MAGI2: variants seen among roughly 807,000 people sequenced by gnomAD.
MAGI2 encodes membrane associated guanylate kinase, WW and PDZ domain containing 2.
MAGI2 carries 35 observed loss-of-function variants against 133.3 expected under a neutral mutation model. The observed-to-expected ratio is 0.26, with a 90% CI of 0.20 to 0.35. MAGI2 has a LOEUF of 0.35. MAGI2 is among the 10% of genes least tolerant of loss of function. The pLI, the probability that MAGI2 is intolerant of heterozygous loss-of-function variation, is 1.00. For missense variants in MAGI2, 1,636 were observed against 1,863.4 expected, an observed-to-expected ratio of 0.88 and a Z score of 2.25; for synonymous variants, 729 against 710.6, an observed-to-expected ratio of 1.03 and a Z score of -0.41.
intron 2 of MAGI2, among the ~76,000 whole-genome samples, chr7:78,751,021 C>T (rs1160698123): frequency 6.6e-6 from 1 of 152,022 alleles, no homozygotes; most frequent in African/African-American, 2.4e-5. Context: ...AGAACACAGA[C>T]AAATCTAACC....
intron 2 of MAGI2, among the ~76,000 whole-genome samples, chr7:78,833,532 T>C (rs1044417884): frequency 1.3e-5 from 2 of 152,150 alleles, no homozygotes; most frequent in Non-Finnish European, 2.9e-5. Context: ...GGCCGGATCC[T>C]GCAACAGTAA....
chr7:78,330,088 T>A (rs798317), intron 9 of MAGI2, among the ~76,000 whole-genome samples: 73,937 of 152,016 alleles, frequency 0.49, 18,406 homozygotes, highest in Non-Finnish European at 0.53. Flanking sequence ...AGCTTTAATT[T>A]ATTGGGAGAT....
At chr7:78,608,011 A>G (rs576951447) in intron 3 of MAGI2, among the ~76,000 whole-genome samples, 50 of 152,314 alleles carry the variant, frequency 3.3e-4, no homozygotes, top group African/African-American at 1.2e-3. Context: ...AATATGGATC[A>G]TGAAACACAC....
chr7:78,521,347 A>G, intron 4 of MAGI2, 83 bp downstream of exon 4: 5 of 936,986 alleles, frequency 5.3e-6, no homozygotes, highest in Non-Finnish European at 8.6e-6. Context: ...CTGTATATAT[A>G]TCTTACTGTG....
At chr7:79,231,507 A>G (rs915580418) in intron 1 of MAGI2, among the ~76,000 whole-genome samples, 1 of 79,978 alleles carries the variant, frequency 1.3e-5, no homozygotes, top group African/African-American at 3.6e-5. Context: ...GAGGTCCTTC[A>G]CATCCCTTGT....
At chr7:78,617,560 T>C (rs1198964955) in intron 3 of MAGI2, 1 of 152,080 alleles carries the variant, frequency 6.6e-6, no homozygotes, top group Non-Finnish European at 1.5e-5. Context: ...TTCCAAGCCT[T>C]CAATAAGGAG....
chr7:79,345,976 T>C (rs1328577739), intron 1 of MAGI2, among the ~76,000 whole-genome samples: 2 of 152,102 alleles, frequency 1.3e-5, no homozygotes, highest in Non-Finnish European at 2.9e-5. Context: ...ACTTCCATTG[T>C]TAAGAATGCT....
intron 1 of MAGI2, among the ~76,000 whole-genome samples, chr7:79,135,506 A>G (rs552757580): frequency 6.6e-6 from 1 of 152,288 alleles, no homozygotes; most frequent in African/African-American, 2.4e-5. Context: ...AGGGCAATTT[A>G]TGGGATAGAG....
intron 3 of MAGI2, among the ~76,000 whole-genome samples, chr7:78,542,935 G>A (rs964345178): frequency 4.6e-5 from 7 of 152,192 alleles, no homozygotes; most frequent in African/African-American, 1.4e-4. Context: ...GATTAGAAGT[G>A]TGCATGTGTG....
chr7:78,027,499 A>G (rs1809051814), intron 21 of MAGI2, among the ~76,000 whole-genome samples: 1 of 152,024 alleles, frequency 6.6e-6, no homozygotes, highest in Non-Finnish European at 1.5e-5. Context: ...GTGGTGGCAC[A>G]TGCCTGTAAT....
intron 3 of MAGI2, among the ~76,000 whole-genome samples, chr7:78,585,075 T>C (rs2150823397): frequency 6.6e-6 from 1 of 152,256 alleles, no homozygotes; most frequent in African/African-American, 2.4e-5. Context: ...TAAAAGGGGT[T>C]CCAGAAAACA....
chr7:78,605,766 A>C (rs1376728811), intron 3 of MAGI2, among the ~76,000 whole-genome samples: 1 of 152,106 alleles, frequency 6.6e-6, no homozygotes, highest in African/African-American at 2.4e-5. Context: ...AAGTTCAAGG[A>C]ATCTGTTTTT....
chr7:78,350,742 G>A (rs1323060671), intron 7 of MAGI2, among the ~76,000 whole-genome samples: 3 of 152,148 alleles, frequency 2.0e-5, no homozygotes, highest in South Asian at 4.1e-4. Flanking sequence ...ATTGTGGAGA[G>A]GAAAGGGAGG....
chr7:78,929,868 C>G (rs1464823497), intron 2 of MAGI2, among the ~76,000 whole-genome samples: 1 of 152,046 alleles, frequency 6.6e-6, no homozygotes, highest in African/African-American at 2.4e-5. Flanking sequence ...GGCTAAGAAG[C>G]AAAATAGACC....
chr7:78,867,422 C>T (rs182933275), intron 2 of MAGI2, among the ~76,000 whole-genome samples: 4,742 of 151,056 alleles, frequency 0.031, 109 homozygotes, highest in Non-Finnish European at 0.049. Context: ...TCATCATTCT[C>T]AGTAAACTAT....
At chr7:78,811,853 C>T (rs1789092572) in intron 2 of MAGI2, among the ~76,000 whole-genome samples, 1 of 152,176 alleles carries the variant, frequency 6.6e-6, no homozygotes, top group Admixed American at 6.5e-5. Flanking sequence ...TATTGCCTCA[C>T]ATGGCAAAAG....
intron 2 of MAGI2, among the ~76,000 whole-genome samples, chr7:78,687,383 T>C (rs1032884714): frequency 6.6e-5 from 10 of 152,310 alleles, no homozygotes; most frequent in Admixed American, 5.2e-4. Flanking sequence ...AATACATGTG[T>C]GAAATGTTGT....
intron 2 of MAGI2, among the ~76,000 whole-genome samples, chr7:78,894,535 T>G (rs1797051444): frequency 6.6e-6 from 1 of 152,196 alleles, no homozygotes; most frequent in Non-Finnish European, 1.5e-5. Flanking sequence ...GTAAAACTGA[T>G]GTCAAAGTTT....
intron 1 of MAGI2, among the ~76,000 whole-genome samples, chr7:79,161,875 T>C (rs1193582588): frequency 6.6e-6 from 1 of 152,140 alleles, no homozygotes; most frequent in African/African-American, 2.4e-5. Context: ...ACACTGGTTA[T>C]TTTATCGAGG....
Sources: allele counts gnomAD v4.1 joint callset (sites outside exome capture counted in the v4.1 genomes callset), GRCh38; gene constraint gnomAD v4.1.1; transcripts MANE v1.5; gene names NCBI Gene and HGNC (gene_info 2026-07-23, HGNC 2026-07-21).